ADAMTSL1: variants seen among roughly 807,000 people sequenced by gnomAD.
The protein encoded by ADAMTSL1 is ADAMTS-like protein 1.
A neutral mutation model predicts 201.8 loss-of-function variants in ADAMTSL1; 126 were observed. That is an observed-to-expected ratio of 0.62 (90% CI 0.54 to 0.72). ADAMTSL1 has a LOEUF of 0.72. Among genes scored for constraint, ADAMTSL1 ranks in the 30% least tolerant of loss-of-function variants. The pLI is 0.00. For synonymous variants in ADAMTSL1, 1,121 were observed against 903.4 expected (o/e 1.24, Z -4.32); for missense variants, 2,679 against 2,277.8 (o/e 1.18, Z -3.59).
chr9:18,815,871 G>T (rs1038613394), intron 20 of ADAMTSL1, among the ~76,000 whole-genome samples: 5 of 151,844 alleles, frequency 3.3e-5, no homozygotes, highest in Non-Finnish European at 4.4e-5. Flanking sequence ...TTTTTTCATT[G>T]ACACATAATA....
At chr9:18,474,407 T>C (rs1034538358) in intron 1 of ADAMTSL1, 112 bp downstream of exon 1, 2 of 1,068,910 alleles carry the variant, frequency 1.9e-6, no homozygotes, top group African/African-American at 1.6e-5. Flanking sequence ...ATCTTAAAAC[T>C]CCAGGTAAAA....
In ADAMTSL1 at chr9:18,009,131, G is replaced by A. The variant is rs545858540; in HGVS notation, c.87+102209G>A. On this transcript the variant is annotated intron_variant, in intron 1 of 29. Transcript: ENST00000680146. Reference sequence around the variant, plus strand: ...TTCACCAGATCCCATTATTCAACCAGTTCTTGCATGCAGTTCACTCATTCA... The same window carrying A: ...TTCACCAGATCCCATTATTCAACCAATTCTTGCATGCAGTTCACTCATTCA... Among the ~76,000 whole-genome samples the A allele has an allele frequency of 3.3e-5, 5 of 152,046 alleles. No individual in the cohort carries two copies. In the South Asian group the frequency reaches 8.3e-4, roughly 25 times the overall value.
At chr9:18,330,529 A>G (rs1036294407) in intron 2 of ADAMTSL1, among the ~76,000 whole-genome samples, 2 of 151,400 alleles carry the variant, frequency 1.3e-5, no homozygotes, top group African/African-American at 4.8e-5. Flanking sequence ...GGCTGATGTT[A>G]TCATTCCGAG....
intron 1 of ADAMTSL1, among the ~76,000 whole-genome samples, chr9:17,970,395 A>C (rs1364551905): frequency 6.6e-6 from 1 of 151,950 alleles, no homozygotes; most frequent in Admixed American, 6.6e-5. Context: ...TCTGTGTCTA[A>C]AACCCTTGGA....
rs146721230 is a variant in ADAMTSL1, at chr9:18,031,972, C to G, written c.87+125050C>G. On this transcript the variant is annotated intron_variant, in intron 1 of 29. Coordinates refer to the ADAMTSL1 transcript ENST00000680146. ...GTGCCCACAGCCCAGGGATTTTAGT[C>G]CAGCTGATGACTGTGGGGTCCACCT... 3.6e-3 allele frequency among the ~76,000 whole-genome samples: 545 copies of G among 152,290 alleles called. 3 individuals are homozygous for G. The highest frequency in any genetic ancestry group is 0.01 in the Middle Eastern group (3 of 294).
intron 14 of ADAMTSL1, among the ~76,000 whole-genome samples, chr9:18,713,333 G>T (rs1832725026): frequency 6.6e-6 from 1 of 151,946 alleles, no homozygotes; most frequent in Admixed American, 6.5e-5. Context: ...AGACCCATCA[G>T]TGTGCAGTAT....
At chr9:18,746,209 T>C (rs914256784) in intron 15 of ADAMTSL1, among the ~76,000 whole-genome samples, 1 of 151,998 alleles carries the variant, frequency 6.6e-6, no homozygotes, top group African/African-American at 2.4e-5. Flanking sequence ...TAGGGAGAAA[T>C]TGGAAACTGA....
intron 1 of ADAMTSL1, among the ~76,000 whole-genome samples, chr9:17,913,083 G>A (rs1825954639): frequency 1.3e-5 from 2 of 152,232 alleles, no homozygotes; most frequent in African/African-American, 4.8e-5. Flanking sequence ...GTACCATGCT[G>A]TTTTGGTTAC....
intron 1 of ADAMTSL1, among the ~76,000 whole-genome samples, chr9:18,479,223 A>G (rs1821605895): frequency 6.6e-6 from 1 of 152,230 alleles, no homozygotes; most frequent in Admixed American, 6.5e-5. Flanking sequence ...GGACTCTGTT[A>G]ACTGGAGCAC....
chr9:18,158,501 T>G (rs935386663), intron 1 of ADAMTSL1, among the ~76,000 whole-genome samples: 1 of 151,932 alleles, frequency 6.6e-6, no homozygotes, highest in Non-Finnish European at 1.5e-5. Flanking sequence ...TTAAGCTCAT[T>G]AGAATAGTCC....
intron 16 of ADAMTSL1, among the ~76,000 whole-genome samples, chr9:18,759,666 T>A (rs1464858571): frequency 6.6e-6 from 1 of 152,132 alleles, no homozygotes; most frequent in East Asian, 1.9e-4. Context: ...CAGCTTCACA[T>A]GTGGTTGTTT....
At chr9:18,668,379 C>A (rs1829598337) in intron 9 of ADAMTSL1, among the ~76,000 whole-genome samples, 1 of 152,148 alleles carries the variant, frequency 6.6e-6, no homozygotes, top group East Asian at 1.9e-4. Context: ...ATCACATAAT[C>A]AACTATAACT....
chr9:17,960,916 C>T (rs1354797425), intron 1 of ADAMTSL1, among the ~76,000 whole-genome samples: 1 of 152,246 alleles, frequency 6.6e-6, no homozygotes, highest in East Asian at 1.9e-4. Context: ...CCTTCCTTAT[C>T]CTAAATTAAT....
intron 2 of ADAMTSL1, among the ~76,000 whole-genome samples, chr9:18,175,975 G>C (rs1019364315): frequency 7.2e-6 from 1 of 139,400 alleles, no homozygotes; most frequent in African/African-American, 2.7e-5. Flanking sequence ...TCAGAGGGTA[G>C]GATTTAGGGA....
chr9:18,315,659 C>G (rs960937404), intron 2 of ADAMTSL1, among the ~76,000 whole-genome samples: 2 of 152,298 alleles, frequency 1.3e-5, no homozygotes, highest in African/African-American at 2.4e-5. Context: ...ACCTGGAACT[C>G]GCGCTGGCCC....
At chr9:17,956,877 T>G (rs1266968083) in intron 1 of ADAMTSL1, among the ~76,000 whole-genome samples, 1 of 152,184 alleles carries the variant, frequency 6.6e-6, no homozygotes, top group African/African-American at 2.4e-5. Flanking sequence ...GCTATTGCCC[T>G]GCCCCTGGTT....
At chr9:18,049,106 T>C (rs1467913385) in intron 1 of ADAMTSL1, among the ~76,000 whole-genome samples, 1 of 152,170 alleles carries the variant, frequency 6.6e-6, no homozygotes, top group East Asian at 1.9e-4. Flanking sequence ...CTTTCTCTTA[T>C]AAGGACACCA....
At chr9:18,134,964 A>G (rs1826097212) in intron 1 of ADAMTSL1, among the ~76,000 whole-genome samples, 1 of 152,134 alleles carries the variant, frequency 6.6e-6, no homozygotes, top group African/African-American at 2.4e-5. Context: ...CTGATATTTC[A>G]TCTGGGTAAT....
intron 2 of ADAMTSL1, among the ~76,000 whole-genome samples, chr9:18,222,323 A>T (rs1319912474): frequency 6.6e-6 from 1 of 151,642 alleles, no homozygotes; most frequent in Non-Finnish European, 1.5e-5. Flanking sequence ...TTTCTATTTT[A>T]TCTGTTACTT....
Sources: allele counts gnomAD v4.1 joint callset (sites outside exome capture counted in the v4.1 genomes callset), GRCh38; gene constraint gnomAD v4.1.1; transcripts MANE v1.5; gene names NCBI Gene and HGNC (gene_info 2026-07-23, HGNC 2026-07-21).